The following TENM2 variants were observed in gnomAD, a reference collection of about 807,000 sequenced individuals.
The protein encoded by TENM2 is teneurin transmembrane protein 2.
TENM2 carries 52 observed loss-of-function variants against 245.2 expected under a neutral mutation model. That is an observed-to-expected ratio of 0.21 (90% confidence interval 0.17 to 0.27). The LOEUF (loss-of-function observed/expected upper bound fraction) is 0.27. Ranked by LOEUF, TENM2 falls within the 10% of genes least tolerant of loss-of-function variation. The probability of loss-of-function intolerance (pLI) is 1.00; values close to 1 mark genes in which losing one functional copy is unlikely to be tolerated. For synonymous variants in TENM2, 1,363 were observed against 1,438.9 expected (o/e 0.95, Z 1.19); for missense variants, 3,046 against 3,666.8 (o/e 0.83, Z 4.37).
the TENM2 span, among the ~76,000 whole-genome samples, chr5:167,043,975 G>A: frequency 0.017 from 2,555 of 151,466 alleles, 43 homozygotes; most frequent in Non-Finnish European, 0.03. Context: ...AGCCGAGATC[G>A]CGCCACTGCA....
intron 2 of TENM2, among the ~76,000 whole-genome samples, chr5:167,649,624 G>A (rs189640319): frequency 1.9e-4 from 29 of 152,148 alleles, no homozygotes; most frequent in Admixed American, 1.0e-3. Flanking sequence ...CATTTAAAGC[G>A]GTGCTGTAAT....
At chr5:167,000,954 TTTG>T in the TENM2 span, among the ~76,000 whole-genome samples, 415 of 152,284 alleles carry the variant, frequency 2.7e-3, 2 homozygotes, top group African/African-American at 9.4e-3. Context: ...TCTGTGGTTT[TTTG>T]TTGTTGTTGT....
rs573406177 is a variant in TENM2 at position 167,522,781 on chromosome 5, T to C, written c.502+147308T>C. On this transcript the variant is annotated intron_variant, in intron 2 of 28. Coordinates refer to ENST00000518659, the Ensembl canonical transcript of TENM2. ...AGCTATTAATATTACTACTACATCC[T>C]ACTTTGTACACTTTACCCAGCAAAT... is the stretch of plus-strand genomic sequence containing the variant. Among the ~76,000 whole-genome samples, 7 of 150,556 alleles carry C rather than the reference T, an allele frequency of 4.6e-5. No homozygotes were observed. In the East Asian group the frequency reaches 1.4e-3, roughly 30 times the overall value.
chr5:167,646,527 C>T (rs1310733971), intron 2 of TENM2, among the ~76,000 whole-genome samples: 1 of 151,292 alleles, frequency 6.6e-6, no homozygotes, highest in Non-Finnish European at 1.5e-5. Context: ...GAATATGAGA[C>T]AATTGGTACT....
chr5:167,897,060 T>A (rs1456901068), intron 3 of TENM2, among the ~76,000 whole-genome samples: 1 of 152,188 alleles, frequency 6.6e-6, no homozygotes, highest in African/African-American at 2.4e-5. Context: ...AATGTGAGGC[T>A]CATCATTCTA....
intron 2 of TENM2, among the ~76,000 whole-genome samples, chr5:167,404,390 C>G (rs1465533314): frequency 1.3e-5 from 2 of 151,996 alleles, no homozygotes; most frequent in African/African-American, 4.8e-5. Context: ...CTTCATAACG[C>G]TAGATACAGG....
intron 3 of TENM2, among the ~76,000 whole-genome samples, chr5:167,881,984 G>A (rs1256474226): frequency 2.0e-5 from 3 of 152,070 alleles, no homozygotes; most frequent in East Asian, 1.9e-4. Flanking sequence ...ACAAAACCAC[G>A]GCACAAAGAG....
intron 13 of TENM2, among the ~76,000 whole-genome samples, chr5:168,171,292 A>G (rs755123902): frequency 2.0e-5 from 3 of 152,214 alleles, no homozygotes; most frequent in Non-Finnish European, 2.9e-5. Flanking sequence ...CTATTTCATC[A>G]TATTATTTTC....
chr5:167,626,973 C>A (rs561451704), intron 2 of TENM2, among the ~76,000 whole-genome samples: 3 of 152,198 alleles, frequency 2.0e-5, no homozygotes, highest in Non-Finnish European at 4.4e-5. Context: ...GTTGTCCTCC[C>A]TTTTACCCAG....
intron 2 of TENM2, among the ~76,000 whole-genome samples, chr5:167,596,221 A>C (rs913203244): frequency 6.6e-6 from 1 of 152,200 alleles, no homozygotes; most frequent in African/African-American, 2.4e-5. Flanking sequence ...GTAAACATCA[A>C]CAACTCTGAA....
intron 2 of TENM2, among the ~76,000 whole-genome samples, chr5:167,706,321 ATATATATTAGAAAATGTGATACAG>A (rs1758520693): frequency 6.8e-6 from 1 of 147,656 alleles, no homozygotes; most frequent in Non-Finnish European, 1.5e-5. Context: ...ATATAAGAAA[ATATATATTAGAAAATGTGATACAG>A]TATATATAAG....
chr5:167,015,287 A>G, the TENM2 span, among the ~76,000 whole-genome samples: 1 of 152,174 alleles, frequency 6.6e-6, no homozygotes, highest in Non-Finnish European at 1.5e-5. Flanking sequence ...AAGTATAGGG[A>G]ACATAGTAAT....
chr5:167,284,672 T>C, upstream of TENM2: 1 of 611,616 alleles, frequency 1.6e-6, no homozygotes, highest in Non-Finnish European at 2.9e-6. Context: ...AGGCTGCATG[T>C]TCATGTTTTC....
intron 5 of TENM2, among the ~76,000 whole-genome samples, chr5:168,034,442 C>T (rs1055228596): frequency 6.6e-6 from 1 of 151,470 alleles, no homozygotes; most frequent in African/African-American, 2.4e-5. Context: ...TATAAAATAT[C>T]CAGGGAAGGC....
chr5:167,244,497 T>C, the TENM2 span, among the ~76,000 whole-genome samples: 3 of 152,190 alleles, frequency 2.0e-5, no homozygotes, highest in South Asian at 4.1e-4. Context: ...CGTTTTCCGA[T>C]GTATTTGTCC....
Position 168,218,795 on chromosome 5 carries a change from C to T in TENM2, c.4904C>T (p.Ser1635Phe), listed in dbSNP as rs779906898. ...GAATTGATTGACAATAATGGGAATT[C>T]CCTGAAGATCCGTCGGGACAGCAGT... Residue 1635 changes from serine (S) to phenylalanine (F), a missense_variant, in exon 23 of 29, where the codon TCC (serine) becomes TTC (phenylalanine). Ser to Phe is a radical substitution (Grantham distance 155). Around this residue, in one of 2 missense-constraint regions of TENM2, gnomAD observed 2,704 missense variants for 3,331.9 expected, o/e 0.81. Transcript: ENST00000518659. This position sits in a 1 kb window ranked among gnomAD's most constrained non-coding sequence, Gnocchi z 5.2. 98 of 1,613,816 alleles carry T rather than the reference C, an allele frequency of 6.1e-5. No individual in the cohort carries two copies. Among genetic ancestry groups the T allele is most frequent in the Middle Eastern group, 1.6e-4 (1 of 6,084 alleles).
At chr5:167,825,478 G>A (rs879316465) in intron 2 of TENM2, among the ~76,000 whole-genome samples, 1 of 152,148 alleles carries the variant, frequency 6.6e-6, no homozygotes, top group Non-Finnish European at 1.5e-5. Context: ...AAGGGAGGCT[G>A]GGGAGGATGC....
At chr5:167,167,211 C>T in the TENM2 span, among the ~76,000 whole-genome samples, 1 of 152,092 alleles carries the variant, frequency 6.6e-6, no homozygotes, top group Non-Finnish European at 1.5e-5. Context: ...TTCTGACAAA[C>T]CAGGGTGTCT....
chr5:167,167,646 A>G, the TENM2 span, among the ~76,000 whole-genome samples: 1 of 152,230 alleles, frequency 6.6e-6, no homozygotes, highest in Non-Finnish European at 1.5e-5. Flanking sequence ...GTGTGATCAC[A>G]TAGCACGTTA....
Sources: gnomAD v4.1 joint callset for allele counts (sites outside exome capture counted in the v4.1 genomes callset) on GRCh38, gnomAD v4.1.1 for gene constraint, gnomAD v4.1.1 regional missense constraint, Gnocchi (gnomAD v3.1) non-coding constraint, MANE v1.5 for transcripts, NCBI Gene and HGNC (gene_info 2026-07-23, HGNC 2026-07-21) for gene names.